Variants in STIM2 observed in about 807,000 individuals in gnomAD.
STIM2 encodes the protein stromal interaction molecule 2.
STIM2 carries 31 observed loss-of-function variants against 85.8 expected under a neutral mutation model. The ratio of observed to expected loss-of-function variants is 0.36; its 90% confidence interval spans 0.27 to 0.49. The LOEUF (loss-of-function observed/expected upper bound fraction) is 0.49. Ranked by LOEUF, STIM2 falls within the 20% of genes least tolerant of loss-of-function variation. The probability of loss-of-function intolerance (pLI) is 0.98; values close to 1 mark genes in which losing one functional copy is unlikely to be tolerated. For missense variants in STIM2, 841 were observed against 927.6 expected (o/e 0.91, Z 1.21); for synonymous variants, 356 against 331.1 (o/e 1.08, Z -0.82).
At chr4:26,930,730 A>T (rs1725177594) in intron 2 of STIM2, among the ~76,000 whole-genome samples, 1 of 152,218 alleles carries the variant, frequency 6.6e-6, no homozygotes, top group African/African-American at 2.4e-5. Context: ...TGCATTTTAA[A>T]ATTGAACAGT....
chr4:26,862,266 A>G lies in STIM2; in HGVS notation c.151+897A>G, dbSNP rs1046927309. Among the ~76,000 whole-genome samples, 4 of 151,686 alleles carry G rather than the reference A, an allele frequency of 2.6e-5. No individual in the cohort carries two copies. In the South Asian group the frequency reaches 6.2e-4, roughly 24 times the overall value. On this transcript the variant is annotated intron_variant, in intron 1 of 11. Coordinates refer to ENST00000467087, the MANE Select transcript of STIM2 (RefSeq NM_020860.4). ...TTGTGGTTTAAGTAAAAGTTATTAT[A>G]TAAGGACCCTGAAATGATTTCTTTG... is the stretch of plus-strand genomic sequence containing the variant.
At chr4:27,007,509 G>C (rs1366232411) in intron 7 of STIM2, 24 bp from the exon 8 acceptor site, 3 of 1,418,654 alleles carry the variant, frequency 2.1e-6, no homozygotes, top group Admixed American at 5.1e-5. Flanking sequence ...CTCCTTTCTT[G>C]CCTCCTTCCT....
intron 1 of STIM2, among the ~76,000 whole-genome samples, chr4:26,918,562 G>C (rs1158630432): frequency 1.3e-5 from 2 of 152,076 alleles, no homozygotes; most frequent in African/African-American, 4.8e-5. Context: ...AAATATATGT[G>C]GTTCTGATGG....
rs529396311 is a variant in STIM2, at chr4:26,860,924, CTTTT to C, written c.-280_-277del. On this transcript the variant is annotated 5_prime_UTR_variant, in exon 1 of 12. Transcript: ENST00000467087. ...GACGCCGTACCTTTCTACCCCCCAC[CTTTT>C]TTTTTTTTTTTTTTAAATAACCGGA... 3.7e-3 allele frequency: 3,673 copies of C among 1,002,414 alleles called. No individual in the cohort carries two copies. The highest frequency in any genetic ancestry group is 8.2e-3 in the South Asian group (378 of 45,838). 62.1% of individuals were successfully genotyped at this position (1,002,414 alleles called of 1,614,324 possible).
chr4:26,900,916 T>C (rs1222583675), intron 1 of STIM2, among the ~76,000 whole-genome samples: 1 of 152,210 alleles, frequency 6.6e-6, no homozygotes, highest in Non-Finnish European at 1.5e-5. Flanking sequence ...AATCCCAGAC[T>C]GCAGACCCCT....
rs1383994155 is a variant in STIM2 at position 26,860,916 on chromosome 4, C to G, written c.-303C>G. The G allele has an allele frequency of 9.4e-7, 1 of 1,066,762 alleles. No homozygotes were observed. Among genetic ancestry groups the G allele is most frequent in the East Asian group, 1.0e-4 (1 of 9,888 alleles). The allele number at this position is 1,066,762 out of a possible 1,614,324, so 66.1% of individuals were successfully genotyped here. On this transcript the variant is annotated 5_prime_UTR_variant, in exon 1 of 12. Transcript: ENST00000467087. ...CGCCTGAAGACGCCGTACCTTTCTA[C>G]CCCCCACCTTTTTTTTTTTTTTTTT... is the stretch of plus-strand genomic sequence containing the variant.
intron 1 of STIM2, among the ~76,000 whole-genome samples, chr4:26,918,934 T>G (rs28400305): frequency 0.012 from 1,844 of 152,298 alleles, 38 homozygotes; most frequent in African/African-American, 0.042. Flanking sequence ...TAGTTGAACC[T>G]AAGAACTTAC....
At position 27,022,875 on chromosome 4, in the gene STIM2, C is replaced by A. The variant is rs1728960246; in HGVS notation, c.2120C>A (p.Pro707Gln). The change falls in exon 12 of 12, where the codon CCA becomes CAA. Residue 707 changes from proline to glutamine, a missense_variant. Transcript: ENST00000467087. ...TCCTCAGCTGGCAACGACAGTAAAC[C>A]AGTTCAGGAAGCCCCAAGTGTTGCC... 1 of 1,614,214 alleles carries A rather than the reference C, an allele frequency of 6.2e-7. No homozygotes were observed. The highest frequency in any genetic ancestry group is 8.5e-7 in the Non-Finnish European group (1 of 1,180,048).
chr4:26,996,994 A>G (rs554120236), intron 4 of STIM2, among the ~76,000 whole-genome samples: 87 of 152,238 alleles, frequency 5.7e-4, no homozygotes, highest in African/African-American at 2.0e-3. Context: ...GTCAAGATCA[A>G]CTCCTTAAAT....
intron 7 of STIM2, 111 bp downstream of exon 7, chr4:27,003,215 A>C: frequency 2.0e-6 from 2 of 981,676 alleles, no homozygotes; most frequent in Non-Finnish European, 2.9e-6. Context: ...GTAGTTCCTC[A>C]GTTGATAAAA....
intron 7 of STIM2, 74 bp downstream of exon 7, chr4:27,003,178 C>T: frequency 2.2e-6 from 3 of 1,389,540 alleles, no homozygotes; most frequent in Non-Finnish European, 2.9e-6. Flanking sequence ...TCCTGTTTTT[C>T]TTCAGTTTCC....
Position 27,023,123 on chromosome 4 carries a change from T to C in STIM2, c.*127T>C, listed in dbSNP as rs1206167215. On this transcript the variant is annotated 3_prime_UTR_variant, in exon 12 of 12. Coordinates refer to ENST00000467087, the MANE Select transcript of STIM2 (RefSeq NM_020860.4). ...CTCCATTGGGGCTTTCCAGGCCGGA[T>C]GCCATAGTGGAACATCCAGAAGGGC... The C allele has an allele frequency of 3.4e-6, 3 of 889,952 alleles. No homozygotes were observed. Among genetic ancestry groups the C allele is most frequent in the Non-Finnish European group, 5.2e-6 (3 of 577,178 alleles). 55.1% of individuals were successfully genotyped at this position (889,952 alleles called of 1,614,324 possible).
intron 5 of STIM2, among the ~76,000 whole-genome samples, chr4:27,000,845 G>A (rs1485274646): frequency 6.6e-6 from 1 of 151,676 alleles, no homozygotes; most frequent in Non-Finnish European, 1.5e-5. Context: ...TCCAGTCTGT[G>A]GTGCTTATTA....
intron 1 of STIM2, among the ~76,000 whole-genome samples, chr4:26,904,619 G>A (rs1271861908): frequency 2.6e-5 from 4 of 152,180 alleles, no homozygotes; most frequent in African/African-American, 9.7e-5. Context: ...AGTGGTGAGA[G>A]CAGAGGCCTG....
At chr4:26,993,823 A>G (rs539396352) in intron 3 of STIM2, among the ~76,000 whole-genome samples, 7 of 152,162 alleles carry the variant, frequency 4.6e-5, no homozygotes, top group Non-Finnish European at 4.4e-5. Context: ...AGAGTAGTAT[A>G]AAGTTTTGTT....
chr4:26,992,777 A>C (rs1291162446), intron 3 of STIM2, among the ~76,000 whole-genome samples: 1 of 152,114 alleles, frequency 6.6e-6, no homozygotes, highest in Non-Finnish European at 1.5e-5. Context: ...AGTCCTGGTC[A>C]TGAGAAGAGA....
At position 26,860,869 on chromosome 4, in the gene STIM2, C is replaced by A; in HGVS notation, c.-350C>A. 1 of 879,902 alleles carries A rather than the reference C, an allele frequency of 1.1e-6. No homozygotes were observed. The highest frequency in any genetic ancestry group is 1.4e-6 in the Non-Finnish European group (1 of 720,772). 54.5% of individuals were successfully genotyped at this position (879,902 alleles called of 1,614,324 possible). A position where few individuals can be genotyped will look rare whatever the true frequency, so the allele number is the denominator to read the frequency against. ...GCAGCGGATCCCGGTCTCGCCGCAG[C>A]AGCAGCGCGGGTGTCGTGCACCGCC... On this transcript the variant is annotated 5_prime_UTR_variant, in exon 1 of 12. Transcript: ENST00000467087.
At chr4:27,009,414 G>C (rs1189580514) in intron 10 of STIM2, among the ~76,000 whole-genome samples, 1 of 152,154 alleles carries the variant, frequency 6.6e-6, no homozygotes, top group Non-Finnish European at 1.5e-5. Flanking sequence ...TGCCAAATCA[G>C]TGTGGGAATG....
At chr4:26,929,736 A>G (rs1725134225) in intron 2 of STIM2, among the ~76,000 whole-genome samples, 1 of 152,080 alleles carries the variant, frequency 6.6e-6, no homozygotes, top group Admixed American at 6.6e-5. Flanking sequence ...CCTATTTTAT[A>G]CCAGATACTC....
Sources: gnomAD v4.1 joint callset for allele counts (sites outside exome capture counted in the v4.1 genomes callset) on GRCh38, gnomAD v4.1.1 for gene constraint, MANE v1.5 for transcripts, NCBI Gene and HGNC (gene_info 2026-07-23, HGNC 2026-07-21) for gene names.